The following SYT9 variants were observed in gnomAD, a reference collection of about 807,000 sequenced individuals.
SYT9 encodes the protein synaptotagmin-9.
A neutral mutation model predicts 48.4 loss-of-function variants in SYT9; 22 were observed. The ratio of observed to expected loss-of-function variants is 0.45; its 90% CI spans 0.32 to 0.65. SYT9 has a LOEUF of 0.65. Ranked by LOEUF, SYT9 falls within the 30% of genes least tolerant of loss-of-function variation. SYT9 has a pLI of 0.03. For missense variants in SYT9, 577 were observed against 622.0 expected (o/e 0.93, Z 0.77); for synonymous variants, 265 against 245.0 (o/e 1.08, Z -0.76).
chr11:7,275,095 C>G (rs545586468), intron 1 of SYT9, among the ~76,000 whole-genome samples: 1 of 152,048 alleles, frequency 6.6e-6, no homozygotes, highest in South Asian at 2.1e-4. Context: ...CTGCACAGAG[C>G]CAGCTAGCAG....
chr11:7,240,335 A>G lies in SYT9; in HGVS notation c.49+1419A>G, dbSNP rs1439892705. ...GTTTGAAGTTTCATATAGCAGATTA[A>G]GTGAGTTTCACTGTCAATTGAGCCT... On this transcript the variant is annotated intron_variant and NMD_transcript_variant, in intron 1 of 8. Coordinates refer to the SYT9 transcript ENST00000524820. Among the ~76,000 whole-genome samples the G allele has an allele frequency of 2.0e-5, 3 of 152,282 alleles. No individual in the cohort carries two copies. The East Asian group carries it at 5.8e-4, about 29-fold the overall frequency.
At chr11:7,421,627 T>C (rs1339801625) in intron 6 of SYT9, among the ~76,000 whole-genome samples, 1 of 152,202 alleles carries the variant, frequency 6.6e-6, no homozygotes, top group African/African-American at 2.4e-5. Flanking sequence ...TCATTCATTC[T>C]TCCCCTACTT....
chr11:7,330,238 A>G (rs1055533251), intron 3 of SYT9, among the ~76,000 whole-genome samples: 9 of 152,210 alleles, frequency 5.9e-5, no homozygotes, highest in African/African-American at 1.9e-4. Flanking sequence ...TGTGCATAAT[A>G]TACACACAAT....
At chr11:7,309,956 C>T (rs1849100734) in intron 2 of SYT9, among the ~76,000 whole-genome samples, 2 of 152,310 alleles carry the variant, frequency 1.3e-5, no homozygotes, top group South Asian at 4.1e-4. Context: ...TGCCCAGTTA[C>T]AGTCTTCGCT....
intron 3 of SYT9, among the ~76,000 whole-genome samples, chr11:7,386,368 G>A (rs889289994): frequency 2.6e-5 from 4 of 151,514 alleles, no homozygotes; most frequent in African/African-American, 7.3e-5. Flanking sequence ...TCAACCTACA[G>A]AATGGGAGAA....
At chr11:7,336,664 T>C (rs1849635758) in intron 3 of SYT9, among the ~76,000 whole-genome samples, 2 of 152,180 alleles carry the variant, frequency 1.3e-5, no homozygotes, top group Non-Finnish European at 2.9e-5. Flanking sequence ...TATGTGGCCT[T>C]ATTTCTGGGC....
At chr11:7,418,283 C>T (rs1290514979) in intron 5 of SYT9, among the ~76,000 whole-genome samples, 155 bp downstream of exon 5, 2 of 152,204 alleles carry the variant, frequency 1.3e-5, no homozygotes, top group African/African-American at 4.8e-5. Context: ...ACAGGAGTCA[C>T]CTCTAAACCA....
intron 1 of SYT9, among the ~76,000 whole-genome samples, chr11:7,289,876 A>G (rs376320535): frequency 3.9e-5 from 6 of 152,376 alleles, no homozygotes; most frequent in African/African-American, 1.4e-4. Context: ...AGAAGAAGCC[A>G]TCTTATTTTA....
Position 7,467,164 on chromosome 11 carries a change from T to C in SYT9, c.*364T>C. The stretch of plus-strand genomic sequence containing the variant: ...GACATAGCATCTGCCCTGGAAATCG[T>C]TATTCCAACATAATATTATTTTCTA... On this transcript the variant is annotated 3_prime_UTR_variant, in exon 7 of 7. Coordinates refer to ENST00000318881, the MANE Select transcript of SYT9 (RefSeq NM_175733.4). The C allele has an allele frequency of 4.3e-6, 1 of 231,266 alleles. No individual in the cohort carries two copies. The highest frequency in any genetic ancestry group is 8.8e-5 in the East Asian group (1 of 11,336). The allele number at this position is 231,266 out of a possible 1,614,324, so 14.3% of individuals were successfully genotyped here. A position where few individuals can be genotyped will look rare whatever the true frequency, so the allele number is the denominator to read the frequency against.
chr11:7,395,608 G>A (rs1451378233), intron 3 of SYT9, among the ~76,000 whole-genome samples: 1 of 151,820 alleles, frequency 6.6e-6, no homozygotes, highest in East Asian at 1.9e-4. Context: ...TTCTTTGTCC[G>A]TTTTTATTAT....
chr11:7,277,192 A>G (rs1284878534), intron 1 of SYT9, among the ~76,000 whole-genome samples: 2 of 152,238 alleles, frequency 1.3e-5, no homozygotes, highest in Non-Finnish European at 1.5e-5. Context: ...TAACTCCATG[A>G]CTGAAACATA....
intron 3 of SYT9, among the ~76,000 whole-genome samples, chr11:7,407,979 G>A (rs1040362114): frequency 2.6e-5 from 4 of 152,074 alleles, no homozygotes; most frequent in African/African-American, 9.7e-5. Flanking sequence ...CAGCATTGTC[G>A]TTTTTGTTCA....
intron 3 of SYT9, among the ~76,000 whole-genome samples, chr11:7,351,504 C>T (rs1381389987): frequency 6.6e-6 from 1 of 152,194 alleles, no homozygotes; most frequent in African/African-American, 2.4e-5. Flanking sequence ...CCAGACTGCT[C>T]ATTCCCTGCC....
intron 3 of SYT9, among the ~76,000 whole-genome samples, chr11:7,352,499 A>T (rs6578852): frequency 0.3 from 44,906 of 152,150 alleles, 8,897 homozygotes; most frequent in East Asian, 0.82. Flanking sequence ...CTAGATCTAC[A>T]GTTTAAAGTT....
chr11:7,398,582 T>C (rs1331481641), intron 3 of SYT9, among the ~76,000 whole-genome samples: 1 of 152,082 alleles, frequency 6.6e-6, no homozygotes, highest in African/African-American at 2.4e-5. Flanking sequence ...GCTAATTTTT[T>C]TGTATTTTTA....
intron 6 of SYT9, among the ~76,000 whole-genome samples, chr11:7,464,538 C>A: frequency 6.6e-6 from 1 of 152,132 alleles, no homozygotes; most frequent in East Asian, 1.9e-4. Context: ...CCCACGGGGT[C>A]TTTTAAGAAC....
intron 3 of SYT9, among the ~76,000 whole-genome samples, chr11:7,354,924 T>G (rs1019838187): frequency 1.3e-5 from 2 of 152,146 alleles, no homozygotes; most frequent in Admixed American, 1.3e-4. Flanking sequence ...ATGGTACCAT[T>G]TCTCCCTATG....
chr11:7,270,826 GACACAGACAC>G (rs1848280079), intron 1 of SYT9, among the ~76,000 whole-genome samples: 1 of 84,318 alleles, frequency 1.2e-5, no homozygotes, highest in Non-Finnish European at 2.2e-5. Flanking sequence ...AGATGCACAA[GACACAGACAC>G]ACACACACAC....
chr11:7,272,896 C>T (rs1189728791), intron 1 of SYT9, among the ~76,000 whole-genome samples: 1 of 152,128 alleles, frequency 6.6e-6, no homozygotes, highest in African/African-American at 2.4e-5. Flanking sequence ...GGCATGTGAC[C>T]TTAGGGACCC....
Sources: gnomAD v4.1 joint callset for allele counts (sites outside exome capture counted in the v4.1 genomes callset) on GRCh38, gnomAD v4.1.1 for gene constraint, MANE v1.5 for transcripts, NCBI Gene and HGNC (gene_info 2026-07-23, HGNC 2026-07-21) for gene names.